Variants in NKAIN3 observed in about 807,000 individuals in gnomAD.
NKAIN3 encodes sodium/potassium transporting ATPase interacting 3.
Under a neutral mutation model 30.2 loss-of-function variants are expected in NKAIN3, and 25 were observed. The ratio of observed to expected loss-of-function variants is 0.83; its 90% CI spans 0.60 to 1.16. The LOEUF (loss-of-function observed/expected upper bound fraction) is 1.16. Ranked by LOEUF, NKAIN3 falls within the 50% of genes most tolerant of loss-of-function variation. The pLI is 0.00. For synonymous variants in NKAIN3, 91 were observed against 89.6 expected, an observed-to-expected ratio of 1.02 and a Z score of -0.09; for missense variants, 225 against 254.1, an observed-to-expected ratio of 0.89 and a Z score of 0.78.
chr8:62,655,799 A>G (rs1209719382), intron 3 of NKAIN3, among the ~76,000 whole-genome samples: 1 of 152,112 alleles, frequency 6.6e-6, no homozygotes, highest in Non-Finnish European at 1.5e-5. Context: ...TTTGGTGTCC[A>G]AACAACAGGT....
intron 4 of NKAIN3, among the ~76,000 whole-genome samples, chr8:62,766,382 T>C (rs796244306): frequency 5.3e-5 from 8 of 152,314 alleles, no homozygotes; most frequent in African/African-American, 1.9e-4. Context: ...GAACTGAGAT[T>C]TGAAACCAGT....
intron 1 of NKAIN3, among the ~76,000 whole-genome samples, chr8:62,461,332 A>G (rs1210336600): frequency 6.6e-6 from 1 of 152,248 alleles, no homozygotes; most frequent in African/African-American, 2.4e-5. Context: ...ACAGCAAGAA[A>G]TAACTGCAAA....
At position 62,356,934 on chromosome 8, in the gene NKAIN3, G is replaced by A. The variant is rs560924708; in HGVS notation, c.54+107807G>A. Among the ~76,000 whole-genome samples, 182 of 152,092 alleles carry A rather than the reference G, an allele frequency of 1.2e-3. 1 individual carries two copies. The highest frequency in any genetic ancestry group is 3.7e-3 in the African/African-American group (152 of 41,510). On this transcript the variant is annotated intron_variant, in intron 1 of 6. Coordinates refer to ENST00000623646, the MANE Select transcript of NKAIN3 (RefSeq NM_001304533.3). ...TCGAGACCAGCCTAGGCAACATGGC[G>A]AAACCATCTCTACAAAAATTAGCTG...
chr8:62,747,198 A>T, intron 4 of NKAIN3, 69 bp downstream of exon 4: 1 of 958,030 alleles, frequency 1.0e-6, no homozygotes, highest in South Asian at 1.7e-5. Flanking sequence ...CTCCACATCT[A>T]CCTGATAGAA....
intron 4 of NKAIN3, among the ~76,000 whole-genome samples, chr8:62,775,234 A>C (rs867297989): frequency 1.3e-5 from 2 of 152,058 alleles, no homozygotes; most frequent in Admixed American, 6.6e-5. Flanking sequence ...GAATTTCTGT[A>C]GTATCAGTTA....
chr8:62,568,105 G>A (rs913685639), intron 1 of NKAIN3, among the ~76,000 whole-genome samples: 2 of 152,168 alleles, frequency 1.3e-5, no homozygotes, highest in Non-Finnish European at 2.9e-5. Flanking sequence ...AGATATGGGT[G>A]GGGTGGAGAA....
At chr8:62,956,223 G>T (rs182767885) in intron 6 of NKAIN3, among the ~76,000 whole-genome samples, 2 of 152,276 alleles carry the variant, frequency 1.3e-5, no homozygotes, top group Non-Finnish European at 2.9e-5. Flanking sequence ...CCCAGCAACA[G>T]CTTGGAGAAA....
At chr8:62,787,144 G>C (rs1586194211) in intron 4 of NKAIN3, among the ~76,000 whole-genome samples, 1 of 152,124 alleles carries the variant, frequency 6.6e-6, no homozygotes. Context: ...ATTGTGGCTT[G>C]AGGGAAATAA....
chr8:62,259,578 A>T (rs1000881814), intron 1 of NKAIN3, among the ~76,000 whole-genome samples: 1 of 152,196 alleles, frequency 6.6e-6, no homozygotes, highest in African/African-American at 2.4e-5. Context: ...AGCACAAACT[A>T]TCTAATTTAC....
intron 1 of NKAIN3, among the ~76,000 whole-genome samples, chr8:62,422,647 T>C (rs139776557): frequency 6.6e-6 from 1 of 152,220 alleles, no homozygotes; most frequent in Non-Finnish European, 1.5e-5. Flanking sequence ...AACTGAATGT[T>C]ATGTCAGAAA....
At chr8:62,855,780 CT>C in intron 4 of NKAIN3, 1 of 1,087,958 alleles carries the variant, frequency 9.2e-7, no homozygotes, top group Non-Finnish European at 1.4e-6. Flanking sequence ...GGGCATCTTC[CT>C]TTTATCATCA....
chr8:62,461,130 G>T (rs1225331392), intron 1 of NKAIN3, among the ~76,000 whole-genome samples: 1 of 152,184 alleles, frequency 6.6e-6, no homozygotes, highest in African/African-American at 2.4e-5. Flanking sequence ...CAGATGCCTT[G>T]ATGATTGTTG....
chr8:62,697,775 C>T (rs1267690356), intron 3 of NKAIN3, among the ~76,000 whole-genome samples: 2 of 152,160 alleles, frequency 1.3e-5, no homozygotes, highest in Non-Finnish European at 1.5e-5. Context: ...GCAATGATTA[C>T]AAGTGACTAG....
At position 62,313,967 on chromosome 8, in the gene NKAIN3, T is replaced by C. The variant is rs149797320; in HGVS notation, c.54+64840T>C. Among the ~76,000 whole-genome samples the C allele has an allele frequency of 4.4e-4, 67 of 152,224 alleles. No individual in the cohort carries two copies. In the Middle Eastern group the frequency reaches 0.017, roughly 39 times the overall value. Reference sequence around the variant, plus strand: ...CACAGAGAGGAACACAAAAGTACTCTCAATTAAAGAGAAATAAAATAAAAT... The same window carrying C: ...CACAGAGAGGAACACAAAAGTACTCCCAATTAAAGAGAAATAAAATAAAAT... On this transcript the variant is annotated intron_variant, in intron 1 of 6. Coordinates refer to ENST00000623646, the MANE Select transcript of NKAIN3 (RefSeq NM_001304533.3).
At chr8:62,443,452 C>T (rs910641240) in intron 1 of NKAIN3, among the ~76,000 whole-genome samples, 8 of 152,172 alleles carry the variant, frequency 5.3e-5, no homozygotes, top group East Asian at 1.9e-4. Flanking sequence ...GGCACAATCT[C>T]GGCTCACTGC....
At chr8:62,673,305 T>G (rs1406730518) in intron 3 of NKAIN3, among the ~76,000 whole-genome samples, 1 of 152,240 alleles carries the variant, frequency 6.6e-6, no homozygotes, top group East Asian at 1.9e-4. Flanking sequence ...AAGTATTAAT[T>G]TAGTTTATTT....
intron 1 of NKAIN3, among the ~76,000 whole-genome samples, chr8:62,322,511 G>A (rs1035343138): frequency 6.6e-6 from 1 of 152,106 alleles, no homozygotes; most frequent in Non-Finnish European, 1.5e-5. Context: ...TGTTAAACTG[G>A]TAAGTATATA....
At chr8:62,472,028 T>A (rs376345357) in intron 1 of NKAIN3, among the ~76,000 whole-genome samples, 9 of 140,450 alleles carry the variant, frequency 6.4e-5, no homozygotes, top group Non-Finnish European at 3.1e-5. Context: ...AGACTCTGTT[T>A]AAAAAAAAAA....
Position 62,764,750 on chromosome 8 carries a change from C to T in NKAIN3, c.471+17621C>T, listed in dbSNP as rs187358474. Among the ~76,000 whole-genome samples the T allele has an allele frequency of 5.3e-5, 8 of 152,268 alleles. No homozygotes were observed. The East Asian group carries it at 1.4e-3, about 26-fold the overall frequency. Reference sequence around the variant, plus strand: ...TTATAAAGAGTCAATTTGCAAATTTCGTCTGCTTGACAATGTCATACAGGT... The same window carrying T: ...TTATAAAGAGTCAATTTGCAAATTTTGTCTGCTTGACAATGTCATACAGGT... On this transcript the variant is annotated intron_variant, in intron 4 of 6. Transcript: ENST00000623646.
Sources: allele counts gnomAD v4.1 joint callset (sites outside exome capture counted in the v4.1 genomes callset), GRCh38; gene constraint gnomAD v4.1.1; transcripts MANE v1.5; gene names NCBI Gene and HGNC (gene_info 2026-07-23, HGNC 2026-07-21).